The following P3H3 variants were observed in gnomAD, a reference collection of about 807,000 sequenced individuals.
P3H3 encodes the protein prolyl 3-hydroxylase 3.
P3H3 carries 64 observed loss-of-function variants against 78.1 expected under a neutral mutation model. The ratio of observed to expected loss-of-function variants is 0.82; its 90% CI spans 0.67 to 1.01. P3H3 has a LOEUF of 1.01. Among genes scored for constraint, P3H3 ranks in the 50% least tolerant of loss-of-function variants. The pLI is 0.00. For missense variants in P3H3, 975 were observed against 982.2 expected (o/e 0.99, Z 0.10); for synonymous variants, 425 against 416.7 (o/e 1.02, Z -0.24).
Position 6,837,593 on chromosome 12 carries a change from C to A in P3H3, c.1711+20C>A. 1.2e-6 allele frequency: 2 copies of A among 1,609,218 alleles called. No homozygotes were observed. The highest frequency in any genetic ancestry group is 2.7e-5 in the African/African-American group (2 of 74,884). On this transcript the variant is annotated intron_variant, in intron 11 of 14. Transcript: ENST00000290510. ...TAGAAGGTACGACAGGGACCCCCCA[C>A]TGCTCTTCTCCAACCTCAGGCCCTG...
At chr12:6,830,795 G>A (rs1483040754) in intron 4 of P3H3, 25 bp downstream of exon 4, 2 of 1,613,172 alleles carry the variant, frequency 1.2e-6, no homozygotes, top group Non-Finnish European at 1.7e-6. Flanking sequence ...GGTGGAAACG[G>A]GGAGTGAAGA....
chr12:6,833,169 C>T (rs537961576), intron 6 of P3H3, among the ~76,000 whole-genome samples: 9 of 133,432 alleles, frequency 6.7e-5, no homozygotes, highest in Admixed American at 7.7e-5. Flanking sequence ...TGTGAGACTC[C>T]GTCTCAAAAA....
intron 9 of P3H3, among the ~76,000 whole-genome samples, chr12:6,835,307 G>T (rs1313120647): frequency 3.9e-5 from 6 of 152,210 alleles, no homozygotes; most frequent in African/African-American, 7.2e-5. Flanking sequence ...CACTGGCTGG[G>T]TGTGGTGGCT....
At chr12:6,830,611 C>A (rs1393162314) in intron 3 of P3H3, 28 bp from the exon 4 acceptor site, 1 of 1,599,998 alleles carries the variant, frequency 6.3e-7, no homozygotes, top group Non-Finnish European at 8.5e-7. Flanking sequence ...CATGAACAAG[C>A]TGAATGGCTT....
At position 6,837,975 on chromosome 12, in the gene P3H3, A is replaced by G. The variant is rs1408780227; in HGVS notation, c.1847A>G (p.Asn616Ser). Residue 616 changes from asparagine to serine, a missense_variant, in exon 13 of 15, where the codon AAC (asparagine) becomes AGC (serine). Transcript: ENST00000290510. ...CTCCCCAGCGGACTCCTCTACCTCA[A>G]CGATGACTTCCAGGGTGGGGACCTG... ...YRDYSGLLYLNDDFQGGDLFF... is the reference protein window; with the variant it reads ...YRDYSGLLYLSDDFQGGDLFF... 2 of 1,608,230 alleles carry G rather than the reference A, an allele frequency of 1.2e-6. No individual in the cohort carries two copies. Among genetic ancestry groups the G allele is most frequent in the African/African-American group, 1.3e-5 (1 of 74,784 alleles).
In P3H3 at chr12:6,830,462, G is replaced by T. The variant is rs201215134; in HGVS notation, c.761G>T (p.Arg254Leu). The T allele has an allele frequency of 2.5e-4, 400 of 1,587,782 alleles. 2 individuals are homozygous for T. The African/African-American group carries it at 4.8e-3, about 19-fold the overall frequency. The change falls in exon 3 of 15, where the codon CGT becomes CTT. Residue 254 changes from arginine (R) to leucine (L), a missense_variant. By Grantham distance (102) the Arg-to-Leu change is moderately radical. Coordinates refer to ENST00000290510, the MANE Select transcript of P3H3 (RefSeq NM_014262.5). ...QGSLAQMESC[R>L]ADCEGPEEQQ... ...AGCCTGGCCCAGATGGAGAGCTGCCGTGCTGACTGTGAGGGGCCTGAGGAG... is the reference window on the plus strand; with the variant it reads ...AGCCTGGCCCAGATGGAGAGCTGCCTTGCTGACTGTGAGGGGCCTGAGGAG...
Position 6,831,712 on chromosome 12 carries a change from CGGGGGGCAT to C in P3H3, c.1123-110_1123-102del, listed in dbSNP as rs1372212747. 6 of 739,156 alleles carry C rather than the reference CGGGGGGCAT, an allele frequency of 8.1e-6. No homozygotes were observed. In the African/African-American group the frequency reaches 8.8e-5, roughly 11 times the overall value. 45.8% of individuals were successfully genotyped at this position (739,156 alleles called of 1,614,324 possible). ...GAGGGGGAACGTTGAACAGAGGAAC[CGGGGGGCAT>C]GGTGCCAGGTTCAAGGAGCATGGAG... is the stretch of plus-strand genomic sequence containing the variant. On this transcript the variant is annotated intron_variant, in intron 5 of 14. Transcript: ENST00000290510. This position sits in a 1 kb window ranked among gnomAD's most constrained non-coding sequence, Gnocchi z 4.6.
At chr12:6,830,281 C>T in intron 2 of P3H3, 72 bp from the exon 3 acceptor site, 1 of 1,434,130 alleles carries the variant, frequency 7.0e-7, no homozygotes, top group Non-Finnish European at 9.6e-7. Context: ...GAGACCAACA[C>T]CCCTCTCCTC....
intron 13 of P3H3, 118 bp from the exon 14 acceptor site, chr12:6,838,882 G>T: frequency 1.3e-6 from 1 of 795,380 alleles, no homozygotes; most frequent in Non-Finnish European, 1.9e-6. Flanking sequence ...GGAGTAGGAA[G>T]TGGTAGCGAG....
chr12:6,838,963 C>A, intron 13 of P3H3, 37 bp from the exon 14 acceptor site: 3 of 1,529,564 alleles, frequency 2.0e-6, no homozygotes, highest in Non-Finnish European at 2.6e-6. Flanking sequence ...TCTGAGAGAG[C>A]CAATCCCTGG....
intron 11 of P3H3, 33 bp downstream of exon 11, chr12:6,837,606 AC>A: frequency 1.2e-6 from 2 of 1,605,012 alleles, no homozygotes; most frequent in Non-Finnish European, 1.7e-6. Flanking sequence ...CTCTTCTCCA[AC>A]CTCAGGCCCT....
chr12:6,832,370 C>T (rs911753620), intron 6 of P3H3, among the ~76,000 whole-genome samples: 1 of 152,150 alleles, frequency 6.6e-6, no homozygotes, highest in African/African-American at 2.4e-5. Flanking sequence ...TATTTTGGAT[C>T]TGACATTTTG....
At chr12:6,833,439 T>C in intron 6 of P3H3, 153 bp from the exon 7 acceptor site, 1 of 685,696 alleles carries the variant, frequency 1.5e-6, no homozygotes, top group Non-Finnish European at 2.6e-6. Flanking sequence ...TTTGATCCAC[T>C]GCCCAGGGCT....
chr12:6,833,667 AG>A, intron 7 of P3H3, 23 bp downstream of exon 7: 1 of 1,611,174 alleles, frequency 6.2e-7, no homozygotes, highest in African/African-American at 1.3e-5. Context: ...CCATGGTGGG[AG>A]GGGCTTGGCC....
rs1555120859 is a variant in P3H3 at position 6,828,838 on chromosome 12, T to G, written c.398T>G (p.Leu133Arg). 1.6e-6 allele frequency: 2 copies of G among 1,243,238 alleles called. No homozygotes were observed. 77.0% of individuals were successfully genotyped at this position (1,243,238 alleles called of 1,614,324 possible). A position where few individuals can be genotyped will look rare whatever the true frequency, so the allele number is the denominator to read the frequency against. Reference protein sequence around the residue: ...DCLTQCAARRLGPGGAARLRV... With the variant: ...DCLTQCAARRRGPGGAARLRV... The stretch of plus-strand genomic sequence containing the variant: ...CTGACCCAGTGCGCAGCACGGAGGC[T>G]GGGCCCCGGGGGCGCGGCGCGGCTT... Residue 133 changes from leucine to arginine, a missense_variant, in exon 1 of 15, where the codon CTG becomes CGG. By Grantham distance (102) the Leu-to-Arg change is moderately radical. Coordinates refer to ENST00000290510, the MANE Select transcript of P3H3 (RefSeq NM_014262.5).
chr12:6,828,655 G>T lies in P3H3; in HGVS notation c.215G>T (p.Arg72Leu). The T allele has an allele frequency of 8.1e-7, 1 of 1,228,220 alleles. No individual in the cohort carries two copies. Among genetic ancestry groups the T allele is most frequent in the South Asian group, 3.5e-5 (1 of 28,326 alleles). The allele number at this position is 1,228,220 out of a possible 1,614,324, so 76.1% of individuals were successfully genotyped here. ...EALRSQAALG[R>L]VRLDCGASCA... is the part of the protein sequence containing the mutation. ...CTGCGGAGCCAGGCGGCGCTGGGCC[G>T]GGTGCGGCTGGATTGCGGGGCGAGC... The change falls in exon 1 of 15, where the codon CGG becomes CTG. Residue 72 changes from arginine to leucine, a missense_variant. Arg to Leu is a moderately radical substitution (Grantham distance 102). Transcript: ENST00000290510.
At position 6,833,651 on chromosome 12, in the gene P3H3, T is replaced by C; in HGVS notation, c.1265+7T>C. ...CACTTAGAGAAAAGCTCAGGTAGGA[T>C]ATGCCCCATGGTGGGAGGGGCTTGG... On this transcript the variant is annotated splice_region_variant and intron_variant, in intron 7 of 14. Transcript: ENST00000290510. The C allele has an allele frequency of 6.2e-7, 1 of 1,613,624 alleles. No homozygotes were observed. The highest frequency in any genetic ancestry group is 8.5e-7 in the Non-Finnish European group (1 of 1,179,590).
At position 6,837,106 on chromosome 12, in the gene P3H3, G is replaced by A. The variant is rs782273096; in HGVS notation, c.1560+20G>A. 12 of 1,582,418 alleles carry A rather than the reference G, an allele frequency of 7.6e-6. No individual in the cohort carries two copies. The highest frequency in any genetic ancestry group is 5.4e-5 in the African/African-American group (4 of 74,472). On this transcript the variant is annotated intron_variant, in intron 10 of 14. Transcript: ENST00000290510. ...GCGCAGGTGAGCACAGGAGGCACCC[G>A]GGCCCGTCTGATGCCCAGACCTGGA...
At position 6,831,480 on chromosome 12, in the gene P3H3, G is replaced by A. The variant is rs1943450676; in HGVS notation, c.1122+128G>A. On this transcript the variant is annotated intron_variant, in intron 5 of 14. Transcript: ENST00000290510. This position sits in a 1 kb window ranked among gnomAD's most constrained non-coding sequence, Gnocchi z 4.6. ...ACTCTAGTCACCCAAAGGACTCCAA[G>A]TCCAGCATCTGACTTCCGTCTCCAC... is the stretch of plus-strand genomic sequence containing the variant. 2.3e-6 allele frequency: 3 copies of A among 1,316,542 alleles called. No individual in the cohort carries two copies. The highest frequency in any genetic ancestry group is 3.1e-6 in the Non-Finnish European group (3 of 970,712). 81.6% of individuals were successfully genotyped at this position (1,316,542 alleles called of 1,614,324 possible). A position where few individuals can be genotyped will look rare whatever the true frequency, so the allele number is the denominator to read the frequency against.
Sources: allele counts gnomAD v4.1 joint callset (sites outside exome capture counted in the v4.1 genomes callset), GRCh38; gene constraint gnomAD v4.1.1; non-coding constraint Gnocchi (gnomAD v3.1); transcripts MANE v1.5; gene names NCBI Gene and HGNC (gene_info 2026-07-23, HGNC 2026-07-21).